WWOX: variants seen among roughly 807,000 people sequenced by gnomAD.
WWOX encodes WW domain containing oxidoreductase.
A neutral mutation model predicts 46.2 loss-of-function variants in WWOX; 69 were observed. That is an observed-to-expected ratio of 1.49 (90% CI 1.23 to 1.82). The LOEUF (loss-of-function observed/expected upper bound fraction) is 1.82, where lower values mean the gene tolerates loss of function less well. Among genes scored for constraint, WWOX ranks in the 40% most tolerant of loss-of-function variants. WWOX has a pLI of 0.00. For synonymous variants in WWOX, 359 were observed against 202.6 expected, an observed-to-expected ratio of 1.77 and a Z score of -6.56; for missense variants, 919 against 542.6, an observed-to-expected ratio of 1.69 and a Z score of -6.89.
intron 8 of WWOX, among the ~76,000 whole-genome samples, chr16:78,654,923 A>G (rs1355255164): frequency 6.6e-6 from 1 of 152,050 alleles, no homozygotes; most frequent in African/African-American, 2.4e-5. Context: ...GAGTATCTTG[A>G]TAATTTAGAA....
chr16:78,881,112 C>T (rs1252920166), intron 8 of WWOX, among the ~76,000 whole-genome samples: 3 of 151,818 alleles, frequency 2.0e-5, no homozygotes, highest in African/African-American at 7.3e-5. Flanking sequence ...CTACCTCAGC[C>T]TCCCAAGGGA....
At chr16:78,609,209 A>G (rs1193026836) in intron 8 of WWOX, among the ~76,000 whole-genome samples, 1 of 152,224 alleles carries the variant, frequency 6.6e-6, no homozygotes, top group Non-Finnish European at 1.5e-5. Context: ...GTTGATAGAT[A>G]TCATTGTTTC....
At chr16:78,556,576 G>T (rs141437798) in intron 8 of WWOX, among the ~76,000 whole-genome samples, 1 of 152,074 alleles carries the variant, frequency 6.6e-6, no homozygotes, top group South Asian at 2.1e-4. Context: ...CAGCTGGACC[G>T]GCGTGCGGTG....
chr16:78,458,911 C>A (rs1343983301), intron 8 of WWOX, among the ~76,000 whole-genome samples: 1 of 152,078 alleles, frequency 6.6e-6, no homozygotes, highest in Non-Finnish European at 1.5e-5. Flanking sequence ...AAAAATCTTT[C>A]ATTTCCAACA....
intron 8 of WWOX, among the ~76,000 whole-genome samples, chr16:78,953,717 TA>T (rs1299542676): frequency 1.3e-5 from 2 of 152,184 alleles, no homozygotes; most frequent in African/African-American, 2.4e-5. Context: ...CATGAATGGA[TA>T]AACTCTTTCC....
At chr16:78,986,144 T>G (rs2046780479) in intron 8 of WWOX, among the ~76,000 whole-genome samples, 1 of 152,252 alleles carries the variant, frequency 6.6e-6, no homozygotes, top group African/African-American at 2.4e-5. Flanking sequence ...CATACATTCC[T>G]GGTTCTGTCA....
At chr16:78,947,625 G>C (rs1013624387) in intron 8 of WWOX, among the ~76,000 whole-genome samples, 1 of 152,194 alleles carries the variant, frequency 6.6e-6, no homozygotes, top group African/African-American at 2.4e-5. Context: ...ACTGTGGTCA[G>C]ATAACCCCCG....
chr16:78,866,506 G>A (rs977529047), intron 8 of WWOX, among the ~76,000 whole-genome samples: 5 of 151,936 alleles, frequency 3.3e-5, no homozygotes, highest in African/African-American at 7.3e-5. Context: ...TTAGTAAAAC[G>A]AAGAACAGTT....
At chr16:78,911,152 C>T (rs147359210) in intron 8 of WWOX, among the ~76,000 whole-genome samples, 1 of 152,086 alleles carries the variant, frequency 6.6e-6, no homozygotes, top group Non-Finnish European at 1.5e-5. Flanking sequence ...AGGCCCTTGT[C>T]AGAGTGGAAG....
intron 5 of WWOX, among the ~76,000 whole-genome samples, chr16:78,304,455 A>T (rs1297709889): frequency 6.6e-6 from 1 of 152,224 alleles, no homozygotes; most frequent in East Asian, 1.9e-4. Flanking sequence ...GAATCCTTTC[A>T]GAAATAGTCT....
At chr16:79,155,141 G>T (rs539990014) in intron 8 of WWOX, among the ~76,000 whole-genome samples, 2 of 152,324 alleles carry the variant, frequency 1.3e-5, no homozygotes, top group South Asian at 2.1e-4. Context: ...ACTTTGGGAG[G>T]CCGAGGCAGG....
At position 78,918,578 on chromosome 16, in the gene WWOX, A is replaced by G. The variant is rs1368061458; in HGVS notation, c.1057-293030A>G. On this transcript the variant is annotated intron_variant, in intron 8 of 8. Transcript: ENST00000566780. ...TCTTCTTTCCGAGACAGGCTGCAAA[A>G]TGCTTGTTACTATTTTGTGTATTCC... Among the ~76,000 whole-genome samples the G allele has an allele frequency of 3.3e-5, 5 of 152,178 alleles. No homozygotes were observed. In the South Asian group the frequency reaches 1.0e-3, roughly 32 times the overall value.
chr16:78,569,585 T>C (rs1305602471), intron 8 of WWOX, among the ~76,000 whole-genome samples: 1 of 152,176 alleles, frequency 6.6e-6, no homozygotes, highest in Non-Finnish European at 1.5e-5. Context: ...ATTTTGAAAA[T>C]TGCCTTGTTG....
chr16:79,045,638 G>C (rs746907437), intron 8 of WWOX, among the ~76,000 whole-genome samples: 6 of 152,052 alleles, frequency 3.9e-5, no homozygotes, highest in African/African-American at 4.8e-5. Context: ...GGAGGCAGAG[G>C]CACCTGAGTT....
chr16:78,982,863 C>G (rs996317333), intron 8 of WWOX, among the ~76,000 whole-genome samples: 4 of 152,140 alleles, frequency 2.6e-5, no homozygotes, highest in African/African-American at 9.7e-5. Context: ...GATGGCTAAA[C>G]TAATTTCATC....
At chr16:79,030,302 C>G (rs1360293654) in intron 8 of WWOX, among the ~76,000 whole-genome samples, 2 of 152,198 alleles carry the variant, frequency 1.3e-5, no homozygotes, top group African/African-American at 4.8e-5. Context: ...TAGGGTTTCT[C>G]TCCTCCAGTG....
chr16:78,355,232 G>C (rs1015436724), intron 5 of WWOX, among the ~76,000 whole-genome samples: 2 of 117,112 alleles, frequency 1.7e-5, no homozygotes. Flanking sequence ...TGAAGTCATT[G>C]CTCCTGTGTG....
intron 5 of WWOX, among the ~76,000 whole-genome samples, chr16:78,254,804 C>T (rs1463059914): frequency 6.6e-6 from 1 of 152,196 alleles, no homozygotes; most frequent in African/African-American, 2.4e-5. Context: ...GCTCGGATTA[C>T]AGGTGTGAAC....
chr16:78,493,908 T>A (rs1442856958), intron 8 of WWOX, among the ~76,000 whole-genome samples: 1 of 152,196 alleles, frequency 6.6e-6, no homozygotes, highest in African/African-American at 2.4e-5. Context: ...CCCTACTAGG[T>A]AGAGCAATGA....
Sources: gnomAD v4.1 joint callset for allele counts (sites outside exome capture counted in the v4.1 genomes callset) on GRCh38, gnomAD v4.1.1 for gene constraint, MANE v1.5 for transcripts, NCBI Gene and HGNC (gene_info 2026-07-23, HGNC 2026-07-21) for gene names.